Variants in NAV1 observed in about 807,000 individuals in gnomAD.
NAV1 encodes neuron navigator 1, also known as pore membrane and/or filament interacting like protein 3.
Under a neutral mutation model 175.2 loss-of-function variants are expected in NAV1, and 18 were observed. That is an observed-to-expected ratio of 0.10 (90% confidence interval 0.07 to 0.15). The LOEUF (loss-of-function observed/expected upper bound fraction) is 0.15, where lower values mean the gene tolerates loss of function less well. Among genes scored for constraint, NAV1 ranks in the 10% least tolerant of loss-of-function variants. The pLI is 1.00. For synonymous variants in NAV1, 897 were observed against 978.7 expected (o/e 0.92, Z 1.56); for missense variants, 1,731 against 2,436.6 (o/e 0.71, Z 6.10).
At chr1:201,661,148 C>T (rs1255240810) in intron 1 of NAV1, among the ~76,000 whole-genome samples, 1 of 152,220 alleles carries the variant, frequency 6.6e-6, no homozygotes, top group African/African-American at 2.4e-5. Flanking sequence ...AGCCGCTAGA[C>T]TCTACTGCCT....
At chr1:201,697,136 G>A (rs1293044954) in intron 1 of NAV1, among the ~76,000 whole-genome samples, 3 of 152,176 alleles carry the variant, frequency 2.0e-5, no homozygotes, top group Non-Finnish European at 4.4e-5. Flanking sequence ...CCCAAGCCCT[G>A]GAGGGAGTTC....
intron 1 of NAV1, among the ~76,000 whole-genome samples, chr1:201,708,773 C>T (rs1324345884): frequency 6.6e-6 from 1 of 152,136 alleles, no homozygotes; most frequent in Admixed American, 6.5e-5. Flanking sequence ...TGTTTTGTCC[C>T]CAGGCCTGTC....
chr1:201,646,862 CAGAT>C (rs545428087), upstream of NAV1, among the ~76,000 whole-genome samples: 76 of 152,248 alleles, frequency 5.0e-4, no homozygotes, highest in African/African-American at 1.8e-3. Flanking sequence ...GCGGGGGAGA[CAGAT>C]AGAGACACAA....
At chr1:201,624,043 C>G (rs1426636085) in intron 1 of NAV1, among the ~76,000 whole-genome samples, 1 of 151,512 alleles carries the variant, frequency 6.6e-6, no homozygotes, top group East Asian at 2.0e-4. Flanking sequence ...GGGCACTGCG[C>G]CTTTACTTAG....
In NAV1 at chr1:201,696,722, A is replaced by G. The variant is rs79801100; in HGVS notation, c.758-16095A>G. ...TTGTCTTTTTGGTCATGTATCATTC[A>G]TTTTGGAAAAAGCACGGACTTCAGA... On this transcript the variant is annotated intron_variant, in intron 1 of 29. Transcript: ENST00000367296. Among the ~76,000 whole-genome samples, 401 of 152,302 alleles carry G rather than the reference A, an allele frequency of 2.6e-3. 13 individuals carry two copies. The East Asian group carries it at 0.068, about 26-fold the overall frequency.
chr1:201,593,762 C>G (rs773360253), intron 2 of NAV1, among the ~76,000 whole-genome samples: 23 of 152,218 alleles, frequency 1.5e-4, no homozygotes, highest in Non-Finnish European at 2.9e-4. Flanking sequence ...CAAACTGTGG[C>G]TCCTATTGGC....
intron 2 of NAV1, among the ~76,000 whole-genome samples, chr1:201,640,040 G>A (rs926767611): frequency 6.6e-6 from 1 of 152,088 alleles, no homozygotes; most frequent in African/African-American, 2.4e-5. Context: ...CCTTCTGGAA[G>A]CTCCCCCGAG....
At chr1:201,676,603 C>CGGTAGCT (rs1670262225) in intron 1 of NAV1, among the ~76,000 whole-genome samples, 1 of 152,126 alleles carries the variant, frequency 6.6e-6, no homozygotes, top group African/African-American at 2.4e-5. Context: ...CTGGGGTTCC[C>CGGTAGCT]GGTAGCTCCT....
At chr1:201,549,089 TTC>T (rs1665755859) in intron 1 of NAV1, among the ~76,000 whole-genome samples, 2 of 106,812 alleles carry the variant, frequency 1.9e-5, no homozygotes, top group Admixed American at 9.4e-5. Context: ...CTTTCTTTCT[TTC>T]TTTCTTTCTT....
chr1:201,779,687 T>A (rs1284875230), intron 3 of NAV1, among the ~76,000 whole-genome samples: 1 of 151,722 alleles, frequency 6.6e-6, no homozygotes, highest in Non-Finnish European at 1.5e-5. Flanking sequence ...TAAGTTCACT[T>A]AGTGCATGAA....
At chr1:201,818,497 T>C (rs2102839194) in intron 29 of NAV1, among the ~76,000 whole-genome samples, 1 of 141,118 alleles carries the variant, frequency 7.1e-6, no homozygotes, top group Non-Finnish European at 1.5e-5. Flanking sequence ...CACTGCACAC[T>C]CCAGCCTGGC....
chr1:201,820,035 C>T (rs778989036), exon 30 of NAV1: 59 of 1,108,330 alleles, frequency 5.3e-5, no homozygotes, highest in Non-Finnish European at 7.6e-5. Flanking sequence ...CTCTCCAGCC[C>T]CAGGAGGAGA....
At chr1:201,591,704 G>C (rs947459773) in intron 2 of NAV1, among the ~76,000 whole-genome samples, 1 of 152,190 alleles carries the variant, frequency 6.6e-6, no homozygotes, top group African/African-American at 2.4e-5. Context: ...CCTGTGAATT[G>C]CTGCTGCTTG....
At position 201,788,714 on chromosome 1, in the gene NAV1, C is replaced by A; in HGVS notation, c.3166+76C>A. ...CCCTCACCCACCACCTCCACTCCCA[C>A]CACTCCTACCACCACACACATATAT... On this transcript the variant is annotated intron_variant, in intron 10 of 29. Transcript: ENST00000367296. This position sits in a 1 kb window ranked among gnomAD's most constrained non-coding sequence, Gnocchi z 5.7. The A allele has an allele frequency of 7.1e-7, 1 of 1,404,222 alleles. No homozygotes were observed. The highest frequency in any genetic ancestry group is 9.8e-7 in the Non-Finnish European group (1 of 1,025,134). The allele number at this position is 1,404,222 out of a possible 1,614,324, so 87.0% of individuals were successfully genotyped here.
At chr1:201,563,252 G>T (rs73082572) in intron 1 of NAV1, among the ~76,000 whole-genome samples, 4,452 of 152,250 alleles carry the variant, frequency 0.029, 224 homozygotes, top group African/African-American at 0.1. Context: ...TTTGTCCTCA[G>T]GAAACAGCCC....
chr1:201,691,764 A>C (rs1351729075), intron 1 of NAV1, among the ~76,000 whole-genome samples: 3 of 152,232 alleles, frequency 2.0e-5, no homozygotes, highest in Non-Finnish European at 4.4e-5. Context: ...AGTGGTTTAT[A>C]GAACTGCCCA....
Position 201,718,760 on chromosome 1 carries a change from G to C in NAV1, c.1226+5G>C. ...GGATGATGACATCACTACCGGGTAA[G>C]CGCAGGGGCTTCTTGGATGGCGGGG... On this transcript the variant is annotated splice_donor_5th_base_variant and intron_variant, in intron 3 of 29. Coordinates refer to ENST00000367296, the Ensembl canonical transcript of NAV1. The surrounding 1 kb of genome is among the most constrained non-coding windows in gnomAD (Gnocchi z 4.8). 1 of 1,592,292 alleles carries C rather than the reference G, an allele frequency of 6.3e-7. No homozygotes were observed.
intron 17 of NAV1, 82 bp downstream of exon 21, chr1:201,804,579 T>TAAAAAAAA (rs377039916): frequency 1.1e-5 from 4 of 357,230 alleles, no homozygotes; most frequent in African/African-American, 7.4e-5. Flanking sequence ...TCCCTTCCCC[T>TAAAAAAAA]AAAAAAAAAA....
At chr1:201,608,487 T>C (rs679109) in intron 2 of NAV1, among the ~76,000 whole-genome samples, 16,070 of 152,204 alleles carry the variant, frequency 0.11, 942 homozygotes, top group East Asian at 0.14. Context: ...TTCAGAGATG[T>C]TGTGTGGGGA....
Sources: gnomAD v4.1 joint callset for allele counts (sites outside exome capture counted in the v4.1 genomes callset) on GRCh38, gnomAD v4.1.1 for gene constraint, Gnocchi (gnomAD v3.1) non-coding constraint, MANE v1.5 for transcripts, NCBI Gene and HGNC (gene_info 2026-07-23, HGNC 2026-07-21) for gene names.